AFAP1L2: variants seen among roughly 807,000 people sequenced by gnomAD.
AFAP1L2 encodes actin filament-associated protein 1-like 2.
In AFAP1L2, 46 loss-of-function variants were observed where a neutral mutation model predicts 99.3. The ratio of observed to expected loss-of-function variants is 0.46; its 90% CI spans 0.37 to 0.59. AFAP1L2 has a LOEUF of 0.59. Ranked by LOEUF, AFAP1L2 falls within the 20% of genes least tolerant of loss-of-function variation. The pLI is 0.00. For missense variants in AFAP1L2, 959 were observed against 1,034.9 expected (o/e 0.93, Z 1.01); for synonymous variants, 397 against 419.1 (o/e 0.95, Z 0.64).
At chr10:114,370,873 C>G (rs2054000466) in intron 1 of AFAP1L2, among the ~76,000 whole-genome samples, 1 of 152,294 alleles carries the variant, frequency 6.6e-6, no homozygotes, top group South Asian at 2.1e-4. Context: ...TCTGGAATTC[C>G]TTATTTTTCC....
chr10:114,319,361 G>T (rs1370083426), intron 5 of AFAP1L2, among the ~76,000 whole-genome samples: 1 of 132,244 alleles, frequency 7.6e-6, no homozygotes, highest in Non-Finnish European at 1.6e-5. Context: ...CATGTGTTTT[G>T]ATACCACATG....
intron 1 of AFAP1L2, among the ~76,000 whole-genome samples, chr10:114,342,934 G>C (rs2049020275): frequency 6.6e-6 from 1 of 152,188 alleles, no homozygotes; most frequent in African/African-American, 2.4e-5. Flanking sequence ...CACATTTCCA[G>C]GGCCCAGCAC....
intron 1 of AFAP1L2, among the ~76,000 whole-genome samples, chr10:114,384,894 C>A (rs1449591097): frequency 6.6e-6 from 1 of 152,218 alleles, no homozygotes. Context: ...AACAGAACCT[C>A]TTGGGAATGA....
intron 1 of AFAP1L2, among the ~76,000 whole-genome samples, chr10:114,386,912 AG>A (rs2056573379): frequency 6.6e-6 from 1 of 152,240 alleles, no homozygotes; most frequent in Non-Finnish European, 1.5e-5. Flanking sequence ...CTGGCATGGA[AG>A]GGTCCATTCC....
At chr10:114,399,410 C>T (rs1301618508) in intron 1 of AFAP1L2, among the ~76,000 whole-genome samples, 1 of 152,070 alleles carries the variant, frequency 6.6e-6, no homozygotes, top group Admixed American at 6.6e-5. Flanking sequence ...GCAGGTAGTC[C>T]CTCCCTGGCT....
chr10:114,283,726 A>G, the AFAP1L2 span, among the ~76,000 whole-genome samples: 3 of 152,238 alleles, frequency 2.0e-5, no homozygotes, highest in Admixed American at 1.3e-4. Flanking sequence ...TATTGTGCTT[A>G]GCACAGTCCC....
rs750049399 is a variant in AFAP1L2 at position 114,304,917 on chromosome 10, C to G, written c.1086G>C (p.Val362=). Residue 362 remains valine (V), a synonymous_variant, in exon 11 of 19, where the codon GTG becomes GTC. Transcript: ENST00000304129. ...GAGACTTCCACTGGCTGTTCACCAG[C>G]ACGTTCAGGTAACCTGCAGGAGGAA... is the stretch of plus-strand genomic sequence containing the variant. The part of the protein sequence containing the change: ...RSLETSSYLN[V]LVNSQWKSRW... 1.1e-5 allele frequency: 18 copies of G among 1,612,426 alleles called. No homozygotes were observed. In the East Asian group the frequency reaches 3.8e-4, roughly 34 times the overall value.
chr10:114,289,407 TC>T, the AFAP1L2 span: 1 of 1,606,608 alleles, frequency 6.2e-7, no homozygotes, highest in Non-Finnish European at 8.5e-7. Flanking sequence ...GGCTTGCAGG[TC>T]CCCGGGATTC....
rs537042201 is a variant in AFAP1L2, at chr10:114,319,683, AGAGAGACAGAAT to A, written c.406+3476_406+3487del. On this transcript the variant is annotated intron_variant, in intron 5 of 18. Transcript: ENST00000304129. Reference sequence around the variant, plus strand: ...CAGGAGCACAGACAGAGGGAAGAGAAGAGAGACAGAATGAAGAGAGGAGCACGCCCAAGTGCA... The same window carrying A: ...CAGGAGCACAGACAGAGGGAAGAGAAGAAGAGAGGAGCACGCCCAAGTGCA... 2.4e-5 allele frequency: 30 copies of A among 1,272,754 alleles called. No homozygotes were observed. In the East Asian group the frequency reaches 1.6e-3, roughly 69 times the overall value. 78.8% of individuals were successfully genotyped at this position (1,272,754 alleles called of 1,614,324 possible).
In AFAP1L2 at chr10:114,302,469, C is replaced by T; in HGVS notation, c.1300G>A (p.Glu434Lys). Residue 434 changes from glutamate to lysine, a missense_variant, in exon 12 of 19, where the codon GAA becomes AAA. Glu to Lys is a moderately conservative substitution (Grantham distance 56). Coordinates refer to ENST00000304129, the MANE Select transcript of AFAP1L2 (RefSeq NM_001001936.3). ...LAKLEAKSSE[E>K]MGHWLGLLLS... ...AGGAGACCCAGCCAGTGGCCCATTT[C>T]CTCGGAAGACTTGGCCTGGAACGAG... The T allele has an allele frequency of 3.7e-6, 6 of 1,614,088 alleles. No individual in the cohort carries two copies. The highest frequency in any genetic ancestry group is 5.1e-6 in the Non-Finnish European group (6 of 1,180,020).
intron 5 of AFAP1L2, among the ~76,000 whole-genome samples, chr10:114,320,327 C>A (rs967020228): frequency 6.6e-6 from 1 of 152,202 alleles, no homozygotes; most frequent in Admixed American, 6.5e-5. Context: ...AGAATCCAAG[C>A]AACTGGCCTT....
chr10:114,292,321 T>G (rs886195626), downstream of AFAP1L2, among the ~76,000 whole-genome samples: 4 of 151,972 alleles, frequency 2.6e-5, no homozygotes, highest in Non-Finnish European at 5.9e-5. Flanking sequence ...TGTGGCGTGT[T>G]TATGGAATTC....
At chr10:114,369,066 A>G (rs1014283472) in intron 1 of AFAP1L2, among the ~76,000 whole-genome samples, 1 of 152,214 alleles carries the variant, frequency 6.6e-6, no homozygotes, top group East Asian at 1.9e-4. Flanking sequence ...TATCTTTCAT[A>G]AAATCCAATT....
intron 1 of AFAP1L2, among the ~76,000 whole-genome samples, chr10:114,359,819 A>C (rs2051960879): frequency 6.6e-6 from 1 of 152,198 alleles, no homozygotes; most frequent in East Asian, 1.9e-4. Flanking sequence ...GAAACTCAGA[A>C]GGCTAAGTAA....
At chr10:114,361,988 T>G (rs567985058) in intron 1 of AFAP1L2, among the ~76,000 whole-genome samples, 2 of 152,326 alleles carry the variant, frequency 1.3e-5, no homozygotes, top group East Asian at 3.9e-4. Context: ...AGCTATTCAA[T>G]TTTTTCTTTC....
Position 114,388,284 on chromosome 10 carries a change from T to A in AFAP1L2, c.16+16156A>T, listed in dbSNP as rs571212753. Among the ~76,000 whole-genome samples the A allele has an allele frequency of 7.9e-5, 12 of 151,412 alleles. No homozygotes were observed. In the East Asian group the frequency reaches 2.3e-3, roughly 29 times the overall value. On this transcript the variant is annotated intron_variant, in intron 1 of 18. Transcript: ENST00000304129. ...AATGACAAGCTCCTCTCAGCCCTCA[T>A]GAACACACACACACACACACCCATT...
chr10:114,355,458 T>C (rs1590475101), intron 1 of AFAP1L2, among the ~76,000 whole-genome samples: 1 of 151,986 alleles, frequency 6.6e-6, no homozygotes, highest in Middle Eastern at 3.4e-3. Flanking sequence ...TGGTCCCCAG[T>C]ACAGGGCCCA....
At chr10:114,311,432 G>A (rs1241628648) in intron 7 of AFAP1L2, among the ~76,000 whole-genome samples, 1 of 152,200 alleles carries the variant, frequency 6.6e-6, no homozygotes, top group Non-Finnish European at 1.5e-5. Flanking sequence ...AATCAGAAGA[G>A]CCCAAGAACT....
rs1189120131 is a variant in AFAP1L2, at chr10:114,295,401, T to TTTAAC, written c.*636_*640dup. The TTTAAC allele has an allele frequency of 2.0e-6, 2 of 985,732 alleles. No individual in the cohort carries two copies. The highest frequency in any genetic ancestry group is 3.5e-5 in the African/African-American group (2 of 57,250). 61.1% of individuals were successfully genotyped at this position (985,732 alleles called of 1,614,324 possible). A position where few individuals can be genotyped will look rare whatever the true frequency, so the allele number is the denominator to read the frequency against. The stretch of plus-strand genomic sequence containing the variant: ...GCCTGCCTTGGACTGGAAAGAAGTC[T>TTTAAC]TTAACTTAGTGGGATTAGTGCTTCA... On this transcript the variant is annotated 3_prime_UTR_variant, in exon 19 of 19. Transcript: ENST00000304129.
Sources: allele counts gnomAD v4.1 joint callset (sites outside exome capture counted in the v4.1 genomes callset), GRCh38; gene constraint gnomAD v4.1.1; transcripts MANE v1.5; gene names NCBI Gene and HGNC (gene_info 2026-07-23, HGNC 2026-07-21).